Variants in PLEKHA4 observed in about 807,000 individuals in gnomAD.
The protein encoded by PLEKHA4 is pleckstrin homology domain-containing family A member 4.
PLEKHA4 carries 73 observed loss-of-function variants against 94.7 expected under a neutral mutation model. The observed-to-expected ratio is 0.77, with a 90% CI of 0.64 to 0.94. The LOEUF (loss-of-function observed/expected upper bound fraction) is 0.94. Ranked by LOEUF, PLEKHA4 falls within the 40% of genes least tolerant of loss-of-function variation. The pLI, the probability that PLEKHA4 is intolerant of heterozygous loss-of-function variation, is 0.00. For missense variants in PLEKHA4, 1,049 were observed against 1,054.1 expected (o/e 1.00, Z 0.07); for synonymous variants, 449 against 437.1 (o/e 1.03, Z -0.34).
In PLEKHA4 at chr19:48,847,946, T is replaced by A. The variant is rs2036030336; in HGVS notation, c.1520A>T (p.Asp507Val). The A allele has an allele frequency of 6.2e-7, 1 of 1,605,420 alleles. No homozygotes were observed. The change falls in exon 14 of 20, where the codon GAC becomes GTC. Residue 507 changes from aspartate to valine, a missense_variant. Coordinates refer to ENST00000263265, the MANE Select transcript of PLEKHA4 (RefSeq NM_020904.3). ...GCCCTGGAGCACGGGAGATGGGGAG[T>A]CAGGCTCAGTGTGTGGGGGCGGTTT... The part of the protein sequence containing the change: ...PQKPPPHTEP[D>V]SPSPVLQGEE...
chr19:48,853,706 C>G lies in PLEKHA4; in HGVS notation c.1302G>C (p.Arg434Ser), dbSNP rs2036290297. Residue 434 changes from arginine to serine, a missense_variant, in exon 12 of 20, where the codon AGG (arginine) becomes AGC (serine). By Grantham distance (110) the Arg-to-Ser change is moderately radical. Coordinates refer to ENST00000263265, the MANE Select transcript of PLEKHA4 (RefSeq NM_020904.3). ...CCTGAGTCAAGTGACAGAGGGTGGC[C>G]CTCACACTGACCAGCCGGTCCTGCA... ...RLLQDRLVSV[R>S]ATLCHLTQER... 3 of 1,597,764 alleles carry G rather than the reference C, an allele frequency of 1.9e-6. No individual in the cohort carries two copies. The highest frequency in any genetic ancestry group is 2.6e-6 in the Non-Finnish European group (3 of 1,174,206).
rs930077213 is a variant in PLEKHA4, at chr19:48,860,573, G to A, written c.367-114C>T. The A allele has an allele frequency of 1.8e-4, 131 of 735,748 alleles. No individual in the cohort carries two copies. In the African/African-American group the frequency reaches 1.8e-3, roughly 10 times the overall value. The allele number at this position is 735,748 out of a possible 1,614,324, so 45.6% of individuals were successfully genotyped here. On this transcript the variant is annotated intron_variant, in intron 5 of 19. Coordinates refer to ENST00000263265, the MANE Select transcript of PLEKHA4 (RefSeq NM_020904.3). ...GTGCTTTGGGAGGCCGATGCGGGAG[G>A]ATGGCTTGAGACCAGCCTAGGCAAC...
In PLEKHA4 at chr19:48,865,541, T is replaced by A. The variant is rs201435984; in HGVS notation, c.154A>T (p.Asn52Tyr). The A allele has an allele frequency of 8.2e-5, 133 of 1,613,860 alleles. No homozygotes were observed. The highest frequency in any genetic ancestry group is 1.6e-4 in the Middle Eastern group (1 of 6,082). The change falls in exon 3 of 20, where the codon AAC becomes TAC. Residue 52 changes from asparagine to tyrosine, a missense_variant. Physicochemically the swap from Asn to Tyr is moderately radical, Grantham distance 143. Transcript: ENST00000263265. Reference sequence around the variant, plus strand: ...CAGCCTCGGATGTGCACGGGAAGGTTGGGATCCCTCCTGAGCGCATTGCCT... The same window carrying A: ...CAGCCTCGGATGTGCACGGGAAGGTAGGGATCCCTCCTGAGCGCATTGCCT... Reference protein sequence around the residue: ...KRGNALRRDPNLPVHIRGWLH... With the variant: ...KRGNALRRDPYLPVHIRGWLH...
At chr19:48,856,951 G>A (rs111876669) in intron 9 of PLEKHA4, among the ~76,000 whole-genome samples, 1,351 of 91,958 alleles carry the variant, frequency 0.015, 27 homozygotes, top group African/African-American at 0.14. Context: ...AAAAGAAAGA[G>A]AAAGAAAGAA....
Position 48,853,722 on chromosome 19 carries a change from C to G in PLEKHA4, c.1286G>C (p.Arg429Pro). 6.2e-6 allele frequency: 10 copies of G among 1,607,276 alleles called. No individual in the cohort carries two copies. The highest frequency in any genetic ancestry group is 8.5e-6 in the Non-Finnish European group (10 of 1,177,746). ...GAGGGTGGCCCTCACACTGACCAGC[C>G]GGTCCTGCAAGAGGCGCTGGCGACC... ...AWGRQRLLQD[R>P]LVSVRATLCH... The change falls in exon 12 of 20, where the codon CGG becomes CCG. Residue 429 changes from arginine (R) to proline (P), a missense_variant. Physicochemically the swap from Arg to Pro is moderately radical, Grantham distance 103. Transcript: ENST00000263265.
chr19:48,845,523 G>A lies in PLEKHA4; in HGVS notation c.1660C>T (p.His554Tyr). Residue 554 changes from histidine (H) to tyrosine (Y), a missense_variant, in exon 15 of 20, where the codon CAC becomes TAC. Physicochemically the swap from His to Tyr is moderately conservative, Grantham distance 83. Coordinates refer to ENST00000263265, the MANE Select transcript of PLEKHA4 (RefSeq NM_020904.3). ...ACCCAACCAGGATGCTCACCTAAGTGAGGGCTGGCGAGGTCTTTGTCGCCT... is the reference window on the plus strand; with the variant it reads ...ACCCAACCAGGATGCTCACCTAAGTAAGGGCTGGCGAGGTCTTTGTCGCCT... ...PGGDKDLASP[H>Y]LGLGSPRVSR... 1 of 1,612,522 alleles carries A rather than the reference G, an allele frequency of 6.2e-7. No individual in the cohort carries two copies. The highest frequency in any genetic ancestry group is 8.5e-7 in the Non-Finnish European group (1 of 1,178,918).
At position 48,861,665 on chromosome 19, in the gene PLEKHA4, G is replaced by A. The variant is rs753660572; in HGVS notation, c.220C>T (p.Arg74Cys). Residue 74 changes from arginine (R) to cysteine (C), a missense_variant, in exon 4 of 20, where the codon CGC becomes TGC. Physicochemically the swap from Arg to Cys is radical, Grantham distance 180. Transcript: ENST00000263265. The part of the protein sequence containing the change: ...QDSSGLRLWK[R>C]RWFVLSGHCL... ...TGGCCGGAGAGGACGAACCAGCGGC[G>A]TTTCCAGAGACGGAGCCCCGAGCTG... is the stretch of plus-strand genomic sequence containing the variant. 2.2e-5 allele frequency: 36 copies of A among 1,614,062 alleles called. No homozygotes were observed. Among genetic ancestry groups the A allele is most frequent in the Non-Finnish European group, 3.0e-5 (35 of 1,180,018 alleles).
intron 13 of PLEKHA4, among the ~76,000 whole-genome samples, chr19:48,851,720 C>T (rs2036196614): frequency 2.0e-5 from 3 of 151,792 alleles, no homozygotes. Flanking sequence ...TTTGGGAGGC[C>T]GTGGCAGGCA....
intron 3 of PLEKHA4, among the ~76,000 whole-genome samples, chr19:48,862,747 T>C (rs2036692287): frequency 6.8e-6 from 1 of 148,102 alleles, no homozygotes; most frequent in Admixed American, 6.7e-5. Flanking sequence ...TCTCCTGACC[T>C]TGTGATCTGC....
chr19:48,848,878 C>G (rs1599884432), intron 13 of PLEKHA4, among the ~76,000 whole-genome samples: 1 of 152,044 alleles, frequency 6.6e-6, no homozygotes, highest in East Asian at 1.9e-4. Context: ...AAATAGGTGA[C>G]CATACGAATA....
chr19:48,841,019 G>A (rs977310903), intron 17 of PLEKHA4, 130 bp downstream of exon 17: 1 of 950,656 alleles, frequency 1.1e-6, no homozygotes, highest in East Asian at 2.7e-5. Flanking sequence ...AGTACAAACT[G>A]GGGTAAATTC....
intron 2 of PLEKHA4, among the ~76,000 whole-genome samples, chr19:48,866,795 A>G (rs547968877): frequency 1.3e-5 from 2 of 152,136 alleles, no homozygotes; most frequent in Admixed American, 1.3e-4. Flanking sequence ...ATCAGGGGGA[A>G]CTCTCACGCT....
rs753748649 is a variant in PLEKHA4, at chr19:48,861,596, C to G, written c.265+24G>C. On this transcript the variant is annotated intron_variant, in intron 4 of 19. Coordinates refer to ENST00000263265, the MANE Select transcript of PLEKHA4 (RefSeq NM_020904.3). ...ACTGGGCGGGGGGGCCCTCCCACCC[C>G]AAGCCAGCCAGCCAGCCACTGACCC... is the stretch of plus-strand genomic sequence containing the variant. The G allele has an allele frequency of 4.5e-5, 73 of 1,613,518 alleles. No homozygotes were observed. In the Middle Eastern group the frequency reaches 4.9e-4, roughly 11 times the overall value.
At chr19:48,838,304 C>A (rs1039365261) in intron 18 of PLEKHA4, 175 bp from the exon 19 acceptor site, 1 of 485,790 alleles carries the variant, frequency 2.1e-6, no homozygotes, top group African/African-American at 1.9e-5. Context: ...AAGGGTGTAA[C>A]TAGATTGTTT....
chr19:48,859,209 G>A (rs1005985568), intron 7 of PLEKHA4, 70 bp from the exon 8 acceptor site: 2 of 1,232,694 alleles, frequency 1.6e-6, no homozygotes, highest in Admixed American at 4.7e-5. Flanking sequence ...TACCCATCAA[G>A]TCAGCCTCAA....
intron 14 of PLEKHA4, among the ~76,000 whole-genome samples, chr19:48,846,111 G>A (rs1300361934): frequency 6.6e-6 from 1 of 151,638 alleles, no homozygotes; most frequent in Non-Finnish European, 1.5e-5. Context: ...CTCACTTGAG[G>A]CCAGGAGCTA....
intron 17 of PLEKHA4, among the ~76,000 whole-genome samples, 161 bp downstream of exon 17, chr19:48,840,988 G>A (rs1024247081): frequency 3.3e-5 from 5 of 150,774 alleles, no homozygotes; most frequent in South Asian, 2.1e-4. Context: ...CTATCCAGGC[G>A]AGGAAGCTGA....
intron 12 of PLEKHA4, 107 bp downstream of exon 12, chr19:48,853,573 ACT>A: frequency 1.8e-6 from 2 of 1,142,710 alleles, no homozygotes; most frequent in Admixed American, 3.5e-5. Context: ...TGGAGTGTAG[ACT>A]TCTGAAGAAC....
At chr19:48,862,481 G>A (rs551725906) in intron 3 of PLEKHA4, among the ~76,000 whole-genome samples, 3 of 151,754 alleles carry the variant, frequency 2.0e-5, no homozygotes, top group Admixed American at 6.6e-5. Flanking sequence ...GGTTACAGGC[G>A]TGAGCCACTG....
Sources: gnomAD v4.1 joint callset for allele counts (sites outside exome capture counted in the v4.1 genomes callset) on GRCh38, gnomAD v4.1.1 for gene constraint, MANE v1.5 for transcripts, NCBI Gene and HGNC (gene_info 2026-07-23, HGNC 2026-07-21) for gene names.